The following FBXO21 variants were observed in gnomAD, a reference collection of about 807,000 sequenced individuals.
FBXO21 encodes the protein F-box protein 21, also known as F-box only protein 21.
FBXO21 carries 32 observed loss-of-function variants against 76.6 expected under a neutral mutation model. The observed-to-expected ratio is 0.42, with a 90% CI of 0.32 to 0.56. The LOEUF is 0.56. Among genes scored for constraint, FBXO21 ranks in the 20% least tolerant of loss-of-function variants. FBXO21 has a pLI of 0.16. For missense variants in FBXO21, 586 were observed against 797.3 expected, an observed-to-expected ratio of 0.73 and a Z score of 3.19; for synonymous variants, 328 against 311.5, an observed-to-expected ratio of 1.05 and a Z score of -0.56.
intron 1 of FBXO21, 66 bp downstream of exon 1, chr12:117,190,152 G>T: frequency 1.1e-6 from 1 of 885,960 alleles, no homozygotes; most frequent in Non-Finnish European, 1.4e-6. Context: ...CTAGCGGGGC[G>T]GCTGCCCGGC....
chr12:117,181,146 C>G (rs1046788557), intron 3 of FBXO21, among the ~76,000 whole-genome samples: 10 of 151,730 alleles, frequency 6.6e-5, no homozygotes, highest in African/African-American at 2.4e-4. Context: ...TTTTTTGGGG[C>G]GGGGAGTGGT....
chr12:117,189,125 T>C (rs1328587692), intron 2 of FBXO21, 102 bp downstream of exon 2: 72 of 1,333,702 alleles, frequency 5.4e-5, no homozygotes, highest in Middle Eastern at 3.8e-4. Context: ...TGTGAGAGCA[T>C]TGAAAAGGGA....
At chr12:117,184,059 A>C (rs1956260159) in intron 3 of FBXO21, among the ~76,000 whole-genome samples, 1 of 152,012 alleles carries the variant, frequency 6.6e-6, no homozygotes, top group Non-Finnish European at 1.5e-5. Flanking sequence ...AAGTAGCTTT[A>C]TAAGATGGCC....
intron 1 of FBXO21, 47 bp from the exon 2 acceptor site, chr12:117,189,409 A>C: frequency 6.2e-7 from 1 of 1,610,628 alleles, no homozygotes; most frequent in South Asian, 1.1e-5. Context: ...ACTCAAAGGC[A>C]GGCGGCCACG....
chr12:117,149,513 GC>G (rs1427360076), intron 11 of FBXO21, among the ~76,000 whole-genome samples: 1 of 152,214 alleles, frequency 6.6e-6, no homozygotes, highest in Non-Finnish European at 1.5e-5. Flanking sequence ...TCATCTGGGG[GC>G]TCTTTTGCTA....
At chr12:117,152,320 G>A (rs1592868520) in intron 11 of FBXO21, among the ~76,000 whole-genome samples, 1 of 152,224 alleles carries the variant, frequency 6.6e-6, no homozygotes, top group South Asian at 2.1e-4. Context: ...ACAAAAAATA[G>A]CCAGGTGTGG....
At chr12:117,177,786 G>A (rs977678161) in intron 3 of FBXO21, 145 bp from the exon 4 acceptor site, 44 of 628,006 alleles carry the variant, frequency 7.0e-5, no homozygotes, top group Middle Eastern at 9.1e-4. Flanking sequence ...GGAAATAGCA[G>A]TCTTTGAATT....
In FBXO21 at chr12:117,145,731, A is replaced by G. The variant is rs1955762149; in HGVS notation, c.*356T>C. ...CCAGCCAAGGAAATGTTCTGAGACAAATGCAGACAGACAGGGGAATGGAGT... is the reference window on the plus strand; with the variant it reads ...CCAGCCAAGGAAATGTTCTGAGACAGATGCAGACAGACAGGGGAATGGAGT... On this transcript the variant is annotated 3_prime_UTR_variant, in exon 12 of 12. Transcript: ENST00000622495. 6.0e-6 allele frequency: 1 copy of G among 167,358 alleles called. No homozygotes were observed. Among genetic ancestry groups the G allele is most frequent in the East Asian group, 1.7e-4 (1 of 5,874 alleles). 10.4% of individuals were successfully genotyped at this position (167,358 alleles called of 1,614,324 possible).
chr12:117,178,625 C>T (rs1290556254), intron 3 of FBXO21, among the ~76,000 whole-genome samples: 2 of 151,818 alleles, frequency 1.3e-5, no homozygotes, highest in Non-Finnish European at 2.9e-5. Flanking sequence ...CCAAGCATTC[C>T]AGCTGTTCCT....
chr12:117,183,598 T>C (rs1956256283), intron 3 of FBXO21, among the ~76,000 whole-genome samples: 1 of 152,234 alleles, frequency 6.6e-6, no homozygotes, highest in Non-Finnish European at 1.5e-5. Flanking sequence ...AAGTTTTCCG[T>C]GATTGTTAGA....
intron 10 of FBXO21, 39 bp from the exon 11 acceptor site, chr12:117,155,987 C>T (rs933491286): frequency 4.4e-6 from 7 of 1,600,396 alleles, no homozygotes; most frequent in African/African-American, 1.3e-5. Flanking sequence ...CCTGCAGACC[C>T]GGCCGCAACA....
chr12:117,164,378 G>A (rs550767406), intron 9 of FBXO21, among the ~76,000 whole-genome samples: 1 of 150,902 alleles, frequency 6.6e-6, no homozygotes, highest in African/African-American at 2.4e-5. Context: ...CTGGGTTCAA[G>A]CAATTCTCTT....
intron 11 of FBXO21, among the ~76,000 whole-genome samples, chr12:117,150,208 G>C (rs1340367370): frequency 6.6e-6 from 1 of 152,206 alleles, no homozygotes; most frequent in African/African-American, 2.4e-5. Flanking sequence ...AAACTTAATT[G>C]AGTAAAACAT....
intron 8 of FBXO21, among the ~76,000 whole-genome samples, chr12:117,165,965 G>A (rs1273678): frequency 2.0e-5 from 3 of 152,102 alleles, no homozygotes; most frequent in Non-Finnish European, 4.4e-5. Context: ...CAAGGCGGGC[G>A]GATCACCTGA....
intron 4 of FBXO21, among the ~76,000 whole-genome samples, chr12:117,176,966 AT>A (rs940881888): frequency 2.9e-5 from 3 of 103,700 alleles, no homozygotes; most frequent in Admixed American, 1.2e-4. Flanking sequence ...ATTCAAAATC[AT>A]TTTAAAAAAA....
chr12:117,156,354 G>A (rs189897781), intron 10 of FBXO21, among the ~76,000 whole-genome samples: 91 of 152,278 alleles, frequency 6.0e-4, no homozygotes, highest in African/African-American at 1.9e-3. Flanking sequence ...TAAAGGAAAA[G>A]ACTAACCAAT....
chr12:117,172,340 G>A, intron 7 of FBXO21, 131 bp downstream of exon 7: 2 of 948,850 alleles, frequency 2.1e-6, no homozygotes, highest in South Asian at 3.6e-5. Flanking sequence ...AAACAAAACA[G>A]TTCCATCACC....
intron 10 of FBXO21, 98 bp downstream of exon 10, chr12:117,157,775 T>A (rs1455398741): frequency 1.5e-5 from 16 of 1,039,980 alleles, no homozygotes; most frequent in Non-Finnish European, 2.2e-5. Flanking sequence ...TCCAGTCAGC[T>A]CCTCCTCCAC....
chr12:117,175,213 C>A (rs1400227287), intron 4 of FBXO21, among the ~76,000 whole-genome samples: 4 of 150,346 alleles, frequency 2.7e-5, no homozygotes, highest in Admixed American at 6.6e-5. Flanking sequence ...AACAAAACAA[C>A]AAAAAAAAAC....
Sources: gnomAD v4.1 joint callset for allele counts (sites outside exome capture counted in the v4.1 genomes callset) on GRCh38, gnomAD v4.1.1 for gene constraint, MANE v1.5 for transcripts, NCBI Gene and HGNC (gene_info 2026-07-23, HGNC 2026-07-21) for gene names.